The following XIRP2 variants were observed in gnomAD, a reference collection of about 807,000 sequenced individuals.
The protein encoded by XIRP2 is xin actin-binding repeat-containing protein 2.
XIRP2 carries 236 observed loss-of-function variants against 277.0 expected under a neutral mutation model. The observed-to-expected ratio is 0.85, with a 90% confidence interval of 0.77 to 0.95. The LOEUF is 0.95. Among genes scored for constraint, XIRP2 ranks in the 40% least tolerant of loss-of-function variants. The probability of loss-of-function intolerance (pLI) is 0.00; values close to 1 mark genes in which losing one functional copy is unlikely to be tolerated. For synonymous variants in XIRP2, 1,490 were observed against 1,416.5 expected (o/e 1.05, Z -1.17); for missense variants, 4,640 against 4,157.5 (o/e 1.12, Z -3.19).
intron 3 of XIRP2, chr2:167,184,572 T>C: frequency 1.4e-6 from 1 of 717,464 alleles, no homozygotes; most frequent in Non-Finnish European, 2.6e-6. Context: ...GCCCAGATTC[T>C]CAGGCTCCAC....
At chr2:167,181,188 G>T (rs561966486) in intron 3 of XIRP2, among the ~76,000 whole-genome samples, 1 of 152,308 alleles carries the variant, frequency 6.6e-6, no homozygotes, top group Admixed American at 6.5e-5. Flanking sequence ...GCAGAGGCAG[G>T]GCTGTGGCTT....
rs533073274 is a variant in XIRP2, at chr2:166,970,000, C to T, written c.408+66110C>T. ...TAGCATTCGGATCATTTTTGCTTTTCGCTTTCAGGTCTGGGTGAATGAAAG... is the reference window on the plus strand; with the variant it reads ...TAGCATTCGGATCATTTTTGCTTTTTGCTTTCAGGTCTGGGTGAATGAAAG... On this transcript the variant is annotated intron_variant, in intron 2 of 10. Coordinates refer to ENST00000409195, the MANE Select transcript of XIRP2 (RefSeq NM_152381.6). Among the ~76,000 whole-genome samples the T allele has an allele frequency of 2.0e-5, 3 of 151,948 alleles. No homozygotes were observed. In the South Asian group the frequency reaches 6.2e-4, roughly 31 times the overall value.
intron 2 of XIRP2, among the ~76,000 whole-genome samples, chr2:167,041,632 A>G (rs1688662434): frequency 6.6e-6 from 1 of 152,074 alleles, no homozygotes; most frequent in Admixed American, 6.5e-5. Context: ...TAAAGAAAAA[A>G]TAACTTTTAA....
chr2:167,022,740 C>A lies in XIRP2; in HGVS notation c.409-113169C>A, dbSNP rs1423413486. ...TTGCGGTAGTTTACTGAGAATGATG[C>A]TTTCCAATTTCATCCATGTCCCTAC... On this transcript the variant is annotated intron_variant, in intron 2 of 10. Transcript: ENST00000409195. 4.6e-5 allele frequency among the ~76,000 whole-genome samples: 7 copies of A among 152,144 alleles called. 1 individual carries two copies. The highest frequency in any genetic ancestry group is 7.2e-5 in the African/African-American group (3 of 41,530).
intron 3 of XIRP2, among the ~76,000 whole-genome samples, chr2:167,185,888 G>A (rs974378444): frequency 1.8e-4 from 28 of 152,076 alleles, no homozygotes; most frequent in South Asian, 4.1e-4. Context: ...GTCCCATTTA[G>A]TCACAGATGA....
intron 3 of XIRP2, among the ~76,000 whole-genome samples, chr2:167,197,160 T>C (rs1202075895): frequency 6.6e-6 from 1 of 152,200 alleles, no homozygotes; most frequent in East Asian, 1.9e-4. Flanking sequence ...AATTTCTTTG[T>C]GGGAGAGTCA....
At chr2:166,969,795 G>GA (rs1209302513) in intron 2 of XIRP2, among the ~76,000 whole-genome samples, 6 of 151,728 alleles carry the variant, frequency 4.0e-5, no homozygotes, top group African/African-American at 1.5e-4. Flanking sequence ...AGCAAATGAA[G>GA]GGAACAAATG....
At position 167,167,570 on chromosome 2, in the gene XIRP2, C is replaced by T. The variant is rs188652251; in HGVS notation, c.562+31508C>T. On this transcript the variant is annotated intron_variant, in intron 3 of 10. Coordinates refer to ENST00000409195, the MANE Select transcript of XIRP2 (RefSeq NM_152381.6). ...CAACTAATCCAAGTCCACTTTCTAA[C>T]AGCTCTGTACCACTTCATGGGTAGT... is the stretch of plus-strand genomic sequence containing the variant. Among the ~76,000 whole-genome samples, 23 of 152,242 alleles carry T rather than the reference C, an allele frequency of 1.5e-4. No homozygotes were observed. The East Asian group carries it at 4.4e-3, about 29-fold the overall frequency.
At position 167,001,986 on chromosome 2, in the gene XIRP2, T is replaced by C. The variant is rs1483892654; in HGVS notation, c.408+98096T>C. On this transcript the variant is annotated intron_variant, in intron 2 of 10. Coordinates refer to ENST00000409195, the MANE Select transcript of XIRP2 (RefSeq NM_152381.6). ...GAAAACTTATTTAAAATATTTCACT[T>C]TCACTTGAAATAATTATTTGGAAAA... Among the ~76,000 whole-genome samples, 3 of 152,138 alleles carry C rather than the reference T, an allele frequency of 2.0e-5. No homozygotes were observed. The East Asian group carries it at 5.8e-4, about 29-fold the overall frequency.
chr2:167,231,901 G>A (rs1559032010), intron 5 of XIRP2, among the ~76,000 whole-genome samples: 2 of 152,062 alleles, frequency 1.3e-5, no homozygotes, highest in South Asian at 2.1e-4. Context: ...GTCTGGGGCC[G>A]GTGGCAGCAA....
intron 2 of XIRP2, among the ~76,000 whole-genome samples, chr2:166,911,411 A>G (rs1431437779): frequency 6.6e-6 from 1 of 152,096 alleles, no homozygotes; most frequent in Non-Finnish European, 1.5e-5. Flanking sequence ...AGTCTGTTTT[A>G]TCAGAGACTA....
chr2:167,116,778 A>C (rs1270691777), intron 2 of XIRP2, among the ~76,000 whole-genome samples: 1 of 152,222 alleles, frequency 6.6e-6, no homozygotes, highest in Admixed American at 6.5e-5. Context: ...TTAGAAAAAA[A>C]TACTATCCTC....
chr2:167,107,579 T>C (rs60661347), intron 2 of XIRP2, among the ~76,000 whole-genome samples: 14,831 of 151,624 alleles, frequency 0.098, 1,415 homozygotes, highest in African/African-American at 0.25. Flanking sequence ...ACCTATTTTG[T>C]ATATTAAAAA....
chr2:166,949,630 G>C (rs1303922501), intron 2 of XIRP2, among the ~76,000 whole-genome samples: 1 of 151,944 alleles, frequency 6.6e-6, no homozygotes, highest in South Asian at 2.1e-4. Context: ...TTTCCAGTTG[G>C]TCAAATTTAT....
chr2:167,086,635 C>T (rs891714723), intron 2 of XIRP2, among the ~76,000 whole-genome samples: 2 of 152,094 alleles, frequency 1.3e-5, no homozygotes, highest in African/African-American at 2.4e-5. Context: ...GGAGGCTTTG[C>T]TCATTTCTTT....
intron 3 of XIRP2, among the ~76,000 whole-genome samples, chr2:167,186,668 G>A (rs777649739): frequency 5.9e-5 from 9 of 152,050 alleles, no homozygotes; most frequent in Admixed American, 1.3e-4. Context: ...GATTCTCTCA[G>A]GAGCACGTGA....
intron 2 of XIRP2, among the ~76,000 whole-genome samples, chr2:167,090,867 C>G (rs1690121801): frequency 6.6e-6 from 1 of 152,040 alleles, no homozygotes; most frequent in Non-Finnish European, 1.5e-5. Flanking sequence ...CCCCCATAAC[C>G]CAAACACCAT....
At chr2:167,237,244 C>T (rs1181058336) in intron 5 of XIRP2, among the ~76,000 whole-genome samples, 1 of 152,170 alleles carries the variant, frequency 6.6e-6, no homozygotes, top group Non-Finnish European at 1.5e-5. Flanking sequence ...TACATATTAA[C>T]TACAAAGTGT....
rs1441984709 is a variant in XIRP2 at position 167,011,235 on chromosome 2, A to T, written c.408+107345A>T. Reference sequence around the variant, plus strand: ...GTCATAGATAGCTCTTATTATTTTGAGATACATCCCATCAATACCTATTTT... The same window carrying T: ...GTCATAGATAGCTCTTATTATTTTGTGATACATCCCATCAATACCTATTTT... On this transcript the variant is annotated intron_variant, in intron 2 of 10. Transcript: ENST00000409195. 2.0e-5 allele frequency among the ~76,000 whole-genome samples: 3 copies of T among 151,568 alleles called. No individual in the cohort carries two copies. The East Asian group carries it at 5.9e-4, about 30-fold the overall frequency.
Sources: gnomAD v4.1 joint callset for allele counts (sites outside exome capture counted in the v4.1 genomes callset) on GRCh38, gnomAD v4.1.1 for gene constraint, MANE v1.5 for transcripts, NCBI Gene and HGNC (gene_info 2026-07-23, HGNC 2026-07-21) for gene names.